The following CEP63 variants were observed in gnomAD, a reference collection of about 807,000 sequenced individuals.
CEP63 encodes the protein centrosomal protein 63.
In CEP63, 84 loss-of-function variants were observed where a neutral mutation model predicts 89.1. The ratio of observed to expected loss-of-function variants is 0.94; its 90% CI spans 0.79 to 1.13. The LOEUF is 1.13. Among genes scored for constraint, CEP63 ranks in the 50% most tolerant of loss-of-function variants. The pLI, the probability that CEP63 is intolerant of heterozygous loss-of-function variation, is 0.00. For synonymous variants in CEP63, 267 were observed against 272.5 expected, an observed-to-expected ratio of 0.98 and a Z score of 0.20; for missense variants, 838 against 813.3, an observed-to-expected ratio of 1.03 and a Z score of -0.37.
chr3:134,652,660 G>A, the CEP63 span, among the ~76,000 whole-genome samples: 34 of 152,020 alleles, frequency 2.2e-4, no homozygotes, highest in Admixed American at 1.1e-3. Flanking sequence ...ACACACACGC[G>A]CGCGCGCACA....
At chr3:134,575,116 C>CTTCCTTCCTTCT (rs1418317233), downstream of CEP63, 756 of 274,832 alleles carry the variant, frequency 2.8e-3, 8 homozygotes, top group African/African-American at 0.016. Context: ...AAGATAACTC[C>CTTCCTTCCTTCT]TTCCTTCCTT....
intron 12 of CEP63, among the ~76,000 whole-genome samples, chr3:134,556,580 A>G (rs1255293000): frequency 6.6e-6 from 1 of 152,170 alleles, no homozygotes; most frequent in African/African-American, 2.4e-5. Context: ...GTAAAGGCTT[A>G]GGATTCAGCA....
At chr3:134,781,618 T>G in the CEP63 span, among the ~76,000 whole-genome samples, 1 of 152,192 alleles carries the variant, frequency 6.6e-6, no homozygotes, top group Admixed American at 6.5e-5. Context: ...GTAACAAACC[T>G]GTACATGTAC....
chr3:134,519,841 A>G (rs547742891), intron 3 of CEP63, among the ~76,000 whole-genome samples: 1 of 152,206 alleles, frequency 6.6e-6, no homozygotes, highest in Non-Finnish European at 1.5e-5. Flanking sequence ...AGTTATCTCA[A>G]TCCAGGAAAA....
chr3:134,714,781 G>A, the CEP63 span, among the ~76,000 whole-genome samples: 1 of 152,376 alleles, frequency 6.6e-6, no homozygotes, highest in East Asian at 1.9e-4. Context: ...AAATGAGCCA[G>A]TCTCCTGGCC....
the CEP63 span, among the ~76,000 whole-genome samples, chr3:134,665,788 G>T: frequency 6.6e-6 from 1 of 151,892 alleles, no homozygotes; most frequent in African/African-American, 2.4e-5. Flanking sequence ...GAGACATAGG[G>T]ACAGACAGAG....
At chr3:134,582,074 C>T (rs1958369401) in intron 10 of CEP63, among the ~76,000 whole-genome samples, 1 of 152,066 alleles carries the variant, frequency 6.6e-6, no homozygotes, top group Admixed American at 6.5e-5. Context: ...AAGTGTCCAT[C>T]TGTCAGAAGA....
chr3:134,599,498 T>G, the CEP63 span, among the ~76,000 whole-genome samples: 4 of 152,242 alleles, frequency 2.6e-5, no homozygotes, highest in Non-Finnish European at 4.4e-5. Context: ...ATGAATAATC[T>G]GCTTAGGTGA....
chr3:134,752,183 A>G, the CEP63 span, among the ~76,000 whole-genome samples: 4 of 152,216 alleles, frequency 2.6e-5, no homozygotes, highest in African/African-American at 9.6e-5. Flanking sequence ...AGAGACCAAG[A>G]AAGACTACTT....
chr3:134,770,348 T>C, the CEP63 span, among the ~76,000 whole-genome samples: 2 of 152,248 alleles, frequency 1.3e-5, no homozygotes, highest in African/African-American at 4.8e-5. Flanking sequence ...AATCCTAGCA[T>C]ACTTTTTCTA....
chr3:134,650,910 G>A, the CEP63 span: 8 of 1,613,138 alleles, frequency 5.0e-6, no homozygotes, highest in Non-Finnish European at 1.7e-6. Flanking sequence ...CCGAGTGCAC[G>A]ATCAGCAGCA....
At chr3:134,600,158 G>A in the CEP63 span, among the ~76,000 whole-genome samples, 1 of 152,240 alleles carries the variant, frequency 6.6e-6, no homozygotes, top group Non-Finnish European at 1.5e-5. Flanking sequence ...AAATGATGTA[G>A]TGATGCTGTT....
At chr3:134,644,193 A>T in the CEP63 span, among the ~76,000 whole-genome samples, 2 of 152,110 alleles carry the variant, frequency 1.3e-5, no homozygotes, top group African/African-American at 4.8e-5. Context: ...AGGAGACGGG[A>T]TGATGTGTAG....
chr3:134,486,667 C>T (rs1935542614), intron 1 of CEP63: 2 of 437,490 alleles, frequency 4.6e-6, no homozygotes, highest in Non-Finnish European at 6.1e-6. Flanking sequence ...CTAGCTAGCG[C>T]TGTTGGGACT....
chr3:134,493,693 A>T (rs559550219), intron 1 of CEP63, among the ~76,000 whole-genome samples: 1 of 152,070 alleles, frequency 6.6e-6, no homozygotes, highest in Non-Finnish European at 1.5e-5. Context: ...GTCTCTCACT[A>T]TATTTATCAC....
At chr3:134,685,041 A>G in the CEP63 span, among the ~76,000 whole-genome samples, 1 of 152,170 alleles carries the variant, frequency 6.6e-6, no homozygotes, top group Admixed American at 6.5e-5. Flanking sequence ...GTGTTTAGTT[A>G]GGCTGCACGT....
the CEP63 span, among the ~76,000 whole-genome samples, chr3:134,658,580 A>G: frequency 2.3e-4 from 35 of 152,360 alleles, no homozygotes; most frequent in Non-Finnish European, 4.4e-4. Flanking sequence ...CAAATTGGAC[A>G]GAATTAATGC....
chr3:134,744,284 A>C, the CEP63 span, among the ~76,000 whole-genome samples: 1 of 152,206 alleles, frequency 6.6e-6, no homozygotes, highest in East Asian at 1.9e-4. Flanking sequence ...GGCCAGATAT[A>C]GCCTTTGGGT....
At chr3:134,703,839 G>A in the CEP63 span, among the ~76,000 whole-genome samples, 14 of 152,162 alleles carry the variant, frequency 9.2e-5, no homozygotes, top group Admixed American at 3.3e-4. Flanking sequence ...AAATGCATCC[G>A]TTTACTTCTA....
Sources: gnomAD v4.1 joint callset for allele counts (sites outside exome capture counted in the v4.1 genomes callset) on GRCh38, gnomAD v4.1.1 for gene constraint, MANE v1.5 for transcripts, NCBI Gene and HGNC (gene_info 2026-07-23, HGNC 2026-07-21) for gene names.